NLGN1: variants seen among roughly 807,000 people sequenced by gnomAD.
NLGN1 encodes the protein neuroligin-1.
In NLGN1, 12 loss-of-function variants were observed where a neutral mutation model predicts 65.5. The ratio of observed to expected loss-of-function variants is 0.18; its 90% CI spans 0.12 to 0.30. The LOEUF (loss-of-function observed/expected upper bound fraction) is 0.30. Ranked by LOEUF, NLGN1 falls within the 10% of genes least tolerant of loss-of-function variation. NLGN1 has a pLI of 1.00. For missense variants in NLGN1, 750 were observed against 1,007.1 expected, an observed-to-expected ratio of 0.74 and a Z score of 3.46; for synonymous variants, 350 against 359.5, an observed-to-expected ratio of 0.97 and a Z score of 0.30.
chr3:173,747,801 C>CTTCTTCT (rs1775714048), intron 3 of NLGN1, among the ~76,000 whole-genome samples: 47 of 64,422 alleles, frequency 7.3e-4, no homozygotes, highest in Admixed American at 1.4e-3. Context: ...TCTTCTTGTT[C>CTTCTTCT]TTTTTTTTTT....
intron 4 of NLGN1, among the ~76,000 whole-genome samples, chr3:174,209,163 A>G (rs991752413): frequency 2.0e-5 from 3 of 152,024 alleles, no homozygotes; most frequent in Non-Finnish European, 4.4e-5. Context: ...AGCTCAAACA[A>G]TTCACCCGCT....
At chr3:173,556,925 C>A (rs1741802976) in intron 2 of NLGN1, among the ~76,000 whole-genome samples, 1 of 152,028 alleles carries the variant, frequency 6.6e-6, no homozygotes, top group South Asian at 2.1e-4. Flanking sequence ...TATGGTATAT[C>A]TTGATAAATG....
At chr3:173,440,834 A>G (rs1411145318) in intron 2 of NLGN1, among the ~76,000 whole-genome samples, 2 of 152,166 alleles carry the variant, frequency 1.3e-5, no homozygotes, top group South Asian at 2.1e-4. Flanking sequence ...TTAGCCCCTA[A>G]CAAAAGAGCC....
At chr3:174,104,995 G>T (rs1713398049) in intron 4 of NLGN1, among the ~76,000 whole-genome samples, 1 of 152,126 alleles carries the variant, frequency 6.6e-6, no homozygotes, top group African/African-American at 2.4e-5. Flanking sequence ...AGTAGAAAAG[G>T]ATGTGTTCTC....
At chr3:174,144,526 C>T (rs534784685) in intron 4 of NLGN1, among the ~76,000 whole-genome samples, 1 of 152,244 alleles carries the variant, frequency 6.6e-6, no homozygotes, top group East Asian at 1.9e-4. Flanking sequence ...ATTTACACTC[C>T]CACCAACAGT....
chr3:173,838,647 G>A (rs73880597), intron 4 of NLGN1, among the ~76,000 whole-genome samples: 6,994 of 152,088 alleles, frequency 0.046, 384 homozygotes, highest in East Asian at 0.17. Flanking sequence ...AAAAAATGTC[G>A]AATGAATGAA....
intron 2 of NLGN1, among the ~76,000 whole-genome samples, chr3:173,548,292 G>GA (rs1414902777): frequency 6.6e-6 from 1 of 152,078 alleles, no homozygotes; most frequent in Admixed American, 6.6e-5. Flanking sequence ...AAGAAGCTTT[G>GA]ATGACATTTG....
At chr3:173,860,168 G>A (rs1046394267) in intron 4 of NLGN1, among the ~76,000 whole-genome samples, 1 of 151,502 alleles carries the variant, frequency 6.6e-6, no homozygotes, top group South Asian at 2.1e-4. Flanking sequence ...ACTATTTCTA[G>A]TTTCTTTTTT....
At chr3:173,636,439 A>G (rs1256330447) in intron 3 of NLGN1, among the ~76,000 whole-genome samples, 3 of 152,214 alleles carry the variant, frequency 2.0e-5, no homozygotes, top group Non-Finnish European at 4.4e-5. Flanking sequence ...CATCTTCCTC[A>G]AGGTCATAGT....
At chr3:174,118,120 T>C (rs1716938719) in intron 4 of NLGN1, among the ~76,000 whole-genome samples, 2 of 152,186 alleles carry the variant, frequency 1.3e-5, no homozygotes, top group Non-Finnish European at 2.9e-5. Flanking sequence ...ATATTCAAAA[T>C]TCATAAATTG....
At chr3:173,829,954 CATA>C (rs748081155) in intron 4 of NLGN1, among the ~76,000 whole-genome samples, 4 of 144,228 alleles carry the variant, frequency 2.8e-5, no homozygotes, top group Non-Finnish European at 6.0e-5. Context: ...GTTGAGTGGT[CATA>C]ATATTTGCCC....
chr3:173,779,731 T>C (rs754326005), intron 3 of NLGN1, among the ~76,000 whole-genome samples: 8 of 152,090 alleles, frequency 5.3e-5, no homozygotes, highest in Non-Finnish European at 1.0e-4. Flanking sequence ...AAAATCAAAC[T>C]GTGTTTCAGA....
chr3:174,231,992 C>G (rs1022994095), intron 4 of NLGN1, among the ~76,000 whole-genome samples: 1 of 152,132 alleles, frequency 6.6e-6, no homozygotes, highest in Non-Finnish European at 1.5e-5. Context: ...AAGCAGCCCC[C>G]GGAATAATGA....
chr3:173,482,502 T>C lies in NLGN1; in HGVS notation c.-321+47424T>C, dbSNP rs1318697358. Among the ~76,000 whole-genome samples the C allele has an allele frequency of 3.3e-5, 5 of 152,026 alleles. No homozygotes were observed. The East Asian group carries it at 9.6e-4, about 29-fold the overall frequency. On this transcript the variant is annotated intron_variant, in intron 2 of 6. Transcript: ENST00000457714. Reference sequence around the variant, plus strand: ...TTTCCTGGATAGATTTTCCTGCTTCTGTAAATTATAAAACATTTCTTGATT... The same window carrying C: ...TTTCCTGGATAGATTTTCCTGCTTCCGTAAATTATAAAACATTTCTTGATT...
chr3:173,571,536 C>T (rs1577331845), intron 2 of NLGN1, among the ~76,000 whole-genome samples: 1 of 152,050 alleles, frequency 6.6e-6, no homozygotes, highest in East Asian at 1.9e-4. Context: ...CAATTTTATC[C>T]ATAGTTTTCT....
chr3:174,170,447 T>A (rs1185793913), intron 4 of NLGN1, among the ~76,000 whole-genome samples: 1 of 152,212 alleles, frequency 6.6e-6, no homozygotes. Context: ...CCTGGCTCCG[T>A]GATGGATTAT....
At chr3:173,756,766 TA>T (rs10714578) in intron 3 of NLGN1, among the ~76,000 whole-genome samples, 89,272 of 139,842 alleles carry the variant, frequency 0.64, 31,235 homozygotes, top group East Asian at 0.92. Context: ...TGGATAAATG[TA>T]AAAAAAAAAA....
Position 174,259,017 on chromosome 3 carries a change from G to A in NLGN1, c.647-16298G>A, listed in dbSNP as rs1395826880. On this transcript the variant is annotated intron_variant, in intron 4 of 6. Coordinates refer to ENST00000457714, the Ensembl canonical transcript of NLGN1. Reference sequence around the variant, plus strand: ...AGTTTTAAAATCACTAAATCAGTCAGAATAGCTTTTAATTGAGAAGATTAT... The same window carrying A: ...AGTTTTAAAATCACTAAATCAGTCAAAATAGCTTTTAATTGAGAAGATTAT... Among the ~76,000 whole-genome samples, 4 of 152,174 alleles carry A rather than the reference G, an allele frequency of 2.6e-5. No individual in the cohort carries two copies. The East Asian group carries it at 7.7e-4, about 29-fold the overall frequency.
chr3:173,638,455 A>G (rs1172448999), intron 3 of NLGN1, among the ~76,000 whole-genome samples: 1 of 152,000 alleles, frequency 6.6e-6, no homozygotes, highest in Non-Finnish European at 1.5e-5. Context: ...AAATTTTAAA[A>G]TAAAATTTAA....
Sources: gnomAD v4.1 joint callset for allele counts (sites outside exome capture counted in the v4.1 genomes callset) on GRCh38, gnomAD v4.1.1 for gene constraint, MANE v1.5 for transcripts, NCBI Gene and HGNC (gene_info 2026-07-23, HGNC 2026-07-21) for gene names.